Variants in FTO observed in about 807,000 individuals in gnomAD.
The protein encoded by FTO is alpha-ketoglutarate-dependent dioxygenase FTO.
A neutral mutation model predicts 63.9 loss-of-function variants in FTO; 47 were observed. The ratio of observed to expected loss-of-function variants is 0.74; its 90% CI spans 0.58 to 0.94. The LOEUF (loss-of-function observed/expected upper bound fraction) is 0.94, where lower values mean the gene tolerates loss of function less well. Among genes scored for constraint, FTO ranks in the 40% least tolerant of loss-of-function variants. FTO has a pLI of 0.00. For synonymous variants in FTO, 207 were observed against 224.4 expected (o/e 0.92, Z 0.69); for missense variants, 562 against 618.1 (o/e 0.91, Z 0.96).
At chr16:53,911,434 A>G in intron 7 of FTO, 1 of 703,156 alleles carries the variant, frequency 1.4e-6, no homozygotes, top group Non-Finnish European at 2.6e-6. Context: ...CAGGGAAGTT[A>G]AGAAGTGGCC....
intron 1 of FTO, among the ~76,000 whole-genome samples, chr16:53,779,141 G>A (rs1392441028): frequency 6.6e-6 from 1 of 152,116 alleles, no homozygotes; most frequent in Non-Finnish European, 1.5e-5. Flanking sequence ...CTGACTGGCT[G>A]TCAGATCTCC....
At chr16:54,093,151 G>A (rs1409366918) in intron 8 of FTO, among the ~76,000 whole-genome samples, 2 of 152,184 alleles carry the variant, frequency 1.3e-5, no homozygotes, top group African/African-American at 4.8e-5. Context: ...GCCACTTGCT[G>A]ATGGCACTTA....
intron 3 of FTO, among the ~76,000 whole-genome samples, chr16:53,837,633 A>C (rs778763311): frequency 3.3e-5 from 5 of 152,154 alleles, no homozygotes; most frequent in Non-Finnish European, 7.3e-5. Context: ...CCCGTCAAGG[A>C]AAGCATTTCT....
intron 8 of FTO, among the ~76,000 whole-genome samples, chr16:54,036,495 G>A (rs760127051): frequency 6.6e-6 from 1 of 152,166 alleles, no homozygotes; most frequent in Non-Finnish European, 1.5e-5. Flanking sequence ...AAACCTTGAG[G>A]TTCTTTTTGC....
chr16:54,056,664 T>A (rs575602332), intron 8 of FTO, among the ~76,000 whole-genome samples: 1 of 152,298 alleles, frequency 6.6e-6, no homozygotes, highest in South Asian at 2.1e-4. Flanking sequence ...AACAGCCATG[T>A]CGCTGATTTT....
chr16:53,761,059 T>G (rs966074319), intron 1 of FTO, among the ~76,000 whole-genome samples: 4 of 151,510 alleles, frequency 2.6e-5, no homozygotes, highest in African/African-American at 7.3e-5. Flanking sequence ...CTCCCTCCCT[T>G]CCTTTCTTCC....
chr16:53,802,427 A>G (rs1333713935), intron 1 of FTO, among the ~76,000 whole-genome samples: 2 of 152,104 alleles, frequency 1.3e-5, no homozygotes, highest in African/African-American at 4.8e-5. Flanking sequence ...TAAATGGGAA[A>G]CCCATATATA....
chr16:53,917,715 T>A (rs989511309), intron 7 of FTO, among the ~76,000 whole-genome samples: 1 of 150,152 alleles, frequency 6.7e-6, no homozygotes, highest in South Asian at 2.1e-4. Context: ...AGTGAGTGTG[T>A]GTGTGTGTGT....
At chr16:53,825,015 C>T (rs1204709548) in intron 2 of FTO, among the ~76,000 whole-genome samples, 1 of 152,150 alleles carries the variant, frequency 6.6e-6, no homozygotes, top group African/African-American at 2.4e-5. Flanking sequence ...TTACTCTCCT[C>T]CAGTGACACC....
intron 1 of FTO, among the ~76,000 whole-genome samples, chr16:53,746,140 C>A (rs140053535): frequency 2.1e-3 from 326 of 152,228 alleles, no homozygotes; most frequent in African/African-American, 7.7e-3. Context: ...ATTACAGTTC[C>A]CAGCTTCCTT....
chr16:53,833,767 C>T (rs948548697), intron 3 of FTO, among the ~76,000 whole-genome samples: 4 of 152,154 alleles, frequency 2.6e-5, no homozygotes, highest in Non-Finnish European at 5.9e-5. Context: ...TGATAACAGC[C>T]ATCATAATGG....
chr16:53,869,748 C>T (rs923076060), intron 4 of FTO, among the ~76,000 whole-genome samples: 4 of 152,122 alleles, frequency 2.6e-5, no homozygotes, highest in Non-Finnish European at 4.4e-5. Flanking sequence ...CCTCTGCTTA[C>T]GTTCCCCATC....
chr16:53,891,903 C>T (rs770481989), intron 7 of FTO, among the ~76,000 whole-genome samples: 38 of 152,052 alleles, frequency 2.5e-4, no homozygotes, highest in African/African-American at 9.2e-4. Flanking sequence ...CAGAAGTTGG[C>T]GTGTCATTTC....
At chr16:53,811,101 A>T (rs1451036217) in intron 2 of FTO, among the ~76,000 whole-genome samples, 4 of 152,190 alleles carry the variant, frequency 2.6e-5, no homozygotes, top group Non-Finnish European at 4.4e-5. Flanking sequence ...AGCCTAGTTC[A>T]TGCACCTACT....
intron 8 of FTO, among the ~76,000 whole-genome samples, chr16:54,056,318 C>G (rs1386147019): frequency 1.3e-5 from 2 of 152,158 alleles, no homozygotes; most frequent in African/African-American, 4.8e-5. Context: ...GGGTCATATA[C>G]CTTGCTTCCC....
rs562583866 is a variant in FTO at position 53,797,906 on chromosome 16, A to T, written c.46-12234A>T. Among the ~76,000 whole-genome samples the T allele has an allele frequency of 7.2e-5, 11 of 152,064 alleles. No individual in the cohort carries two copies. The East Asian group carries it at 1.9e-3, about 27-fold the overall frequency. On this transcript the variant is annotated intron_variant, in intron 1 of 8. Coordinates refer to ENST00000471389, the MANE Select transcript of FTO (RefSeq NM_001080432.3). ...CCTTGTGTAACTTAAATACTAAAAG[A>T]GTTTCGTATGTTTTCTAATACTAGT...
At chr16:54,097,673 A>G (rs1377712650) in intron 8 of FTO, among the ~76,000 whole-genome samples, 1 of 152,242 alleles carries the variant, frequency 6.6e-6, no homozygotes, top group African/African-American at 2.4e-5. Context: ...CTTTGAGGAT[A>G]TAGCAGTGAG....
intron 8 of FTO, among the ~76,000 whole-genome samples, chr16:54,093,301 C>A (rs561990149): frequency 3.9e-5 from 6 of 152,360 alleles, no homozygotes; most frequent in Admixed American, 3.9e-4. Flanking sequence ...CCCGAGCTAA[C>A]CTATCAGCTA....
At chr16:54,105,501 C>G (rs142945719) in intron 8 of FTO, among the ~76,000 whole-genome samples, 133 of 152,242 alleles carry the variant, frequency 8.7e-4, no homozygotes, top group African/African-American at 3.1e-3. Context: ...ACTTGCACAC[C>G]GTTCCATCAA....
Sources: allele counts gnomAD v4.1 joint callset (sites outside exome capture counted in the v4.1 genomes callset), GRCh38; gene constraint gnomAD v4.1.1; transcripts MANE v1.5; gene names NCBI Gene and HGNC (gene_info 2026-07-23, HGNC 2026-07-21).